TNFAIP8: variants seen among roughly 807,000 people sequenced by gnomAD.
TNFAIP8 encodes tumor necrosis factor alpha-induced protein 8.
TNFAIP8 carries 7 observed loss-of-function variants against 13.3 expected under a neutral mutation model. That is an observed-to-expected ratio of 0.52 (90% CI 0.30 to 0.99). The LOEUF is 0.99. Ranked by LOEUF, TNFAIP8 falls within the 50% of genes least tolerant of loss-of-function variation. TNFAIP8 has a pLI of 0.07. For missense variants in TNFAIP8, 258 were observed against 236.9 expected (o/e 1.09, Z -0.58); for synonymous variants, 94 against 87.6 (o/e 1.07, Z -0.41).
In TNFAIP8 at chr5:119,383,822, T is replaced by A. The variant is rs1752574332; in HGVS notation, c.32-8994T>A. On this transcript the variant is annotated intron_variant, in intron 1 of 1. Coordinates refer to ENST00000504771, the MANE Select transcript of TNFAIP8 (RefSeq NM_014350.4). ...ATGTAAGTATATTGTCGTTTTAGGTTATATTTTAAAATGCTTATAAACTGC... is the reference window on the plus strand; with the variant it reads ...ATGTAAGTATATTGTCGTTTTAGGTAATATTTTAAAATGCTTATAAACTGC... Among the ~76,000 whole-genome samples the A allele has an allele frequency of 3.3e-5, 5 of 152,232 alleles. No homozygotes were observed. The South Asian group carries it at 1.0e-3, about 31-fold the overall frequency.
chr5:119,380,478 C>T (rs1277716849), intron 1 of TNFAIP8, among the ~76,000 whole-genome samples: 1 of 152,122 alleles, frequency 6.6e-6, no homozygotes, highest in Non-Finnish European at 1.5e-5. Context: ...TAGAAAATCA[C>T]GGAGCTGTTG....
At chr5:119,381,300 G>A (rs1350113502) in intron 1 of TNFAIP8, among the ~76,000 whole-genome samples, 1 of 152,148 alleles carries the variant, frequency 6.6e-6, no homozygotes, top group African/African-American at 2.4e-5. Flanking sequence ...CAGCACTTTG[G>A]GAGGAAAAGG....
chr5:119,312,761 A>G (rs1749772767), intron 1 of TNFAIP8, among the ~76,000 whole-genome samples: 1 of 151,614 alleles, frequency 6.6e-6, no homozygotes, highest in South Asian at 2.1e-4. Flanking sequence ...AAAAAAAAAA[A>G]AAAAAAGAAT....
At chr5:119,339,271 T>C (rs1750657198) in intron 1 of TNFAIP8, among the ~76,000 whole-genome samples, 1 of 152,114 alleles carries the variant, frequency 6.6e-6, no homozygotes, top group African/African-American at 2.4e-5. Flanking sequence ...GACCAGCTTA[T>C]TGGCTATGGC....
chr5:119,321,595 C>T lies in TNFAIP8; in HGVS notation c.1+52688C>T, dbSNP rs554958216. On this transcript the variant is annotated intron_variant, in intron 1 of 1. Coordinates refer to the TNFAIP8 transcript ENST00000274456. Reference sequence around the variant, plus strand: ...TCAGGCCACAAGCCCAGGAGGCATCCTGATTCCTCTGTTCACTCATCACAC... The same window carrying T: ...TCAGGCCACAAGCCCAGGAGGCATCTTGATTCCTCTGTTCACTCATCACAC... 2.0e-5 allele frequency among the ~76,000 whole-genome samples: 3 copies of T among 152,266 alleles called. No individual in the cohort carries two copies. In the East Asian group the frequency reaches 5.8e-4, roughly 29 times the overall value.
At chr5:119,355,941 AC>A, upstream of TNFAIP8, 1 of 1,435,712 alleles carries the variant, frequency 7.0e-7, no homozygotes, top group South Asian at 1.3e-5. Context: ...CTGCACCAGA[AC>A]CCGCTCTCCC....
intron 1 of TNFAIP8, among the ~76,000 whole-genome samples, chr5:119,322,076 C>A (rs761910477): frequency 1.6e-4 from 25 of 152,120 alleles, no homozygotes; most frequent in Non-Finnish European, 3.5e-4. Flanking sequence ...TTCCTTGGCT[C>A]TCTCTCTAAT....
intron 1 of TNFAIP8, among the ~76,000 whole-genome samples, chr5:119,313,792 A>T (rs1254649940): frequency 6.6e-6 from 1 of 152,246 alleles, no homozygotes; most frequent in African/African-American, 2.4e-5. Flanking sequence ...TTTATACACT[A>T]GCTGGAGCAA....
At chr5:119,335,704 G>A (rs1235535258) in intron 1 of TNFAIP8, among the ~76,000 whole-genome samples, 1 of 151,984 alleles carries the variant, frequency 6.6e-6, no homozygotes, top group Non-Finnish European at 1.5e-5. Flanking sequence ...CACCTTCCAG[G>A]TACTAAGGCA....
At chr5:119,317,194 T>C (rs1270097155) in intron 1 of TNFAIP8, among the ~76,000 whole-genome samples, 1 of 152,222 alleles carries the variant, frequency 6.6e-6, no homozygotes, top group African/African-American at 2.4e-5. Flanking sequence ...TTCCGATTTC[T>C]TGGGTAGGAC....
At chr5:119,367,006 G>T (rs960368142) in intron 1 of TNFAIP8, among the ~76,000 whole-genome samples, 1 of 152,210 alleles carries the variant, frequency 6.6e-6, no homozygotes, top group African/African-American at 2.4e-5. Context: ...GTTTCAACAT[G>T]TGTAAGGGTT....
At chr5:119,300,152 A>G (rs539697638) in intron 1 of TNFAIP8, among the ~76,000 whole-genome samples, 3 of 152,164 alleles carry the variant, frequency 2.0e-5, no homozygotes, top group African/African-American at 7.2e-5. Flanking sequence ...CCCTAATGAG[A>G]TGAACCTGGT....
rs1011488998 is a variant in TNFAIP8 at position 119,343,539 on chromosome 5, G to A, written c.2-49277G>A. Among the ~76,000 whole-genome samples, 10 of 152,178 alleles carry A rather than the reference G, an allele frequency of 6.6e-5. 1 individual carries two copies. Among genetic ancestry groups the A allele is most frequent in the African/African-American group, 2.2e-4 (9 of 41,438 alleles). On this transcript the variant is annotated intron_variant, in intron 1 of 1. Coordinates refer to the TNFAIP8 transcript ENST00000274456. ...TATTCTTATATGCTATCATAATTCAGTATTATGAAATTATTAAATGATTAT... is the reference window on the plus strand; with the variant it reads ...TATTCTTATATGCTATCATAATTCAATATTATGAAATTATTAAATGATTAT...
At chr5:119,291,279 G>A (rs1362190677) in intron 1 of TNFAIP8, among the ~76,000 whole-genome samples, 1 of 152,216 alleles carries the variant, frequency 6.6e-6, no homozygotes, top group Admixed American at 6.5e-5. Flanking sequence ...AGCACACTGG[G>A]TGCCCAATAA....
intron 1 of TNFAIP8, among the ~76,000 whole-genome samples, chr5:119,279,415 G>A (rs1748563119): frequency 6.6e-6 from 1 of 152,180 alleles, no homozygotes; most frequent in South Asian, 2.1e-4. Context: ...TTTAATAGTA[G>A]AAGGATGAAC....
chr5:119,280,619 G>A (rs972977883), intron 1 of TNFAIP8, among the ~76,000 whole-genome samples: 3 of 152,180 alleles, frequency 2.0e-5, no homozygotes, highest in African/African-American at 7.2e-5. Flanking sequence ...GACACATGGG[G>A]TCTGGTTTTT....
chr5:119,379,921 T>A (rs1176400465), intron 1 of TNFAIP8, among the ~76,000 whole-genome samples: 2 of 152,202 alleles, frequency 1.3e-5, no homozygotes, highest in African/African-American at 4.8e-5. Flanking sequence ...TTCGAGGAGT[T>A]GCTTTATCTG....
chr5:119,367,681 A>G (rs1751911371), intron 1 of TNFAIP8, among the ~76,000 whole-genome samples: 1 of 152,240 alleles, frequency 6.6e-6, no homozygotes, highest in African/African-American at 2.4e-5. Context: ...TGTTGCCATT[A>G]GCATGCCCTT....
intron 1 of TNFAIP8, among the ~76,000 whole-genome samples, chr5:119,314,931 G>A (rs558802846): frequency 7.2e-5 from 11 of 152,262 alleles, no homozygotes; most frequent in Non-Finnish European, 1.5e-4. Context: ...ACCTAGGCTG[G>A]AGTGCAGTGG....
Sources: allele counts gnomAD v4.1 joint callset (sites outside exome capture counted in the v4.1 genomes callset), GRCh38; gene constraint gnomAD v4.1.1; transcripts MANE v1.5; gene names NCBI Gene and HGNC (gene_info 2026-07-23, HGNC 2026-07-21).